The following LITAF variants were observed in gnomAD, a reference collection of about 807,000 sequenced individuals.
LITAF encodes the protein lipopolysaccharide induced TNF factor, also known as lipopolysaccharide-induced tumor necrosis factor-alpha factor.
Under a neutral mutation model 14.5 loss-of-function variants are expected in LITAF, and 9 were observed. That is an observed-to-expected ratio of 0.62 (90% CI 0.37 to 1.08). The LOEUF (loss-of-function observed/expected upper bound fraction) is 1.08, where lower values mean the gene tolerates loss of function less well. LITAF is among the 50% of genes least tolerant of loss of function. The pLI, the probability that LITAF is intolerant of heterozygous loss-of-function variation, is 0.01. For synonymous variants in LITAF, 98 were observed against 88.2 expected, an observed-to-expected ratio of 1.11 and a Z score of -0.62; for missense variants, 206 against 213.4, an observed-to-expected ratio of 0.97 and a Z score of 0.22.
At chr16:11,573,701 C>CTTTTT (rs58695999) in intron 1 of LITAF, among the ~76,000 whole-genome samples, 1 of 111,936 alleles carries the variant, frequency 8.9e-6, no homozygotes, top group Non-Finnish European at 1.7e-5. Context: ...AGAAGATATC[C>CTTTTT]TTTTTTTTTT....
rs187546588 is a variant in LITAF at position 11,571,193 on chromosome 16, G to C, written c.-5-14458C>G. On this transcript the variant is annotated intron_variant, in intron 1 of 3. Coordinates refer to ENST00000622633, the MANE Select transcript of LITAF (RefSeq NM_001136472.2). The stretch of plus-strand genomic sequence containing the variant: ...AGCGATTCTCCTGCCCCAGCCTTCT[G>C]AGTAGCTGGGATTACAGGCACCCAA... Among the ~76,000 whole-genome samples, 345 of 152,232 alleles carry C rather than the reference G, an allele frequency of 2.3e-3. 2 individuals carry two copies. Among genetic ancestry groups the C allele is most frequent in the African/African-American group, 8.2e-3 (340 of 41,532 alleles).
intron 3 of LITAF, among the ~76,000 whole-genome samples, chr16:11,630,115 G>A (rs576144573): frequency 1.3e-5 from 2 of 152,162 alleles, no homozygotes; most frequent in African/African-American, 2.4e-5. Context: ...CCGGAAGAAC[G>A]GAGGTCATGG....
chr16:11,584,418 G>C (rs759806729), intron 1 of LITAF: 1 of 152,134 alleles, frequency 6.6e-6, no homozygotes, highest in Non-Finnish European at 1.5e-5. Flanking sequence ...GTGAGGATGG[G>C]TAATGTCAGC....
At chr16:11,557,181 C>A (rs540357547) in intron 1 of LITAF, among the ~76,000 whole-genome samples, 1 of 152,062 alleles carries the variant, frequency 6.6e-6, no homozygotes, top group Non-Finnish European at 1.5e-5. Flanking sequence ...CAAATTATCA[C>A]AAATAGCAAA....
At chr16:11,613,975 G>T (rs1463411613) in intron 3 of LITAF, among the ~76,000 whole-genome samples, 5 of 152,142 alleles carry the variant, frequency 3.3e-5, no homozygotes, top group African/African-American at 2.4e-5. Flanking sequence ...TTCCTGGCAG[G>T]TCCTGAGATT....
chr16:11,634,912 T>C lies in LITAF; in HGVS notation c.-21+913A>G, dbSNP rs1233621328. 1.3e-5 allele frequency among the ~76,000 whole-genome samples: 2 copies of C among 152,062 alleles called. No individual in the cohort carries two copies. Among genetic ancestry groups the C allele is most frequent in the African/African-American group, 4.8e-5 (2 of 41,404 alleles). ...AGCTGGGCGTGTTGGTGGGCACCTA[T>C]AATCCCAGCTATTTGGGAGGCTGAG... On this transcript the variant is annotated intron_variant, in intron 2 of 3. Coordinates refer to the LITAF transcript ENST00000574848. This position sits in a 1 kb window ranked among gnomAD's most constrained non-coding sequence, Gnocchi z 4.1.
At chr16:11,581,150 C>T (rs2064726703) in intron 1 of LITAF, among the ~76,000 whole-genome samples, 1 of 152,232 alleles carries the variant, frequency 6.6e-6, no homozygotes, top group South Asian at 2.1e-4. Context: ...GTGGGACTCC[C>T]ACATTTATGC....
rs539322239 is a variant in LITAF, at chr16:11,592,254, A to G, written c.-6+6134T>C. ...TAAAGAACTTTTACAACTCAGCAAT[A>G]AAAAAACAACAAACAACCTAGTGTA... On this transcript the variant is annotated intron_variant, in intron 1 of 3. Coordinates refer to the LITAF transcript ENST00000571627. 1.7e-4 allele frequency among the ~76,000 whole-genome samples: 26 copies of G among 152,240 alleles called. No homozygotes were observed. In the South Asian group the frequency reaches 5.4e-3, roughly 32 times the overall value.
chr16:11,549,914 A>C lies in LITAF; in HGVS notation c.378-169T>G. On this transcript the variant is annotated intron_variant, in intron 3 of 3. Transcript: ENST00000622633. This position sits in a 1 kb window ranked among gnomAD's most constrained non-coding sequence, Gnocchi z 4.6. ...TATCCAGGCGGACCCCTAAAACCCA[A>C]TGACCTTAGAAGAAGAGGAGAGGAC... 7 of 634,518 alleles carry C rather than the reference A, an allele frequency of 1.1e-5. No individual in the cohort carries two copies. Among genetic ancestry groups the C allele is most frequent in the East Asian group, 3.2e-5 (1 of 31,414 alleles). The allele number at this position is 634,518 out of a possible 1,614,324, so 39.3% of individuals were successfully genotyped here.
At chr16:11,600,986 G>A (rs935199771), upstream of LITAF, among the ~76,000 whole-genome samples, 3 of 152,044 alleles carry the variant, frequency 2.0e-5, no homozygotes, top group Non-Finnish European at 4.4e-5. The surrounding 1 kb of genome is among the most constrained non-coding windows in gnomAD (Gnocchi z 4.1). Context: ...GCAGGGTGTC[G>A]CCTACTGGGG....
intron 1 of LITAF, among the ~76,000 whole-genome samples, chr16:11,579,221 G>A (rs1274202307): frequency 6.6e-6 from 1 of 151,886 alleles, no homozygotes; most frequent in Non-Finnish European, 1.5e-5. Context: ...GGAGGCCGAG[G>A]CAGGTGGATC....
chr16:11,595,523 A>G (rs1484333060), intron 1 of LITAF, among the ~76,000 whole-genome samples: 2 of 152,054 alleles, frequency 1.3e-5, no homozygotes. Context: ...AGATCAGGAG[A>G]TCGAGACCAT....
chr16:11,620,167 C>CAAA (rs533195309), intron 3 of LITAF, among the ~76,000 whole-genome samples: 5 of 67,360 alleles, frequency 7.4e-5, no homozygotes, highest in Admixed American at 1.8e-4. Context: ...GAGTCCGTCT[C>CAAA]AAAAAAAAAA....
intron 3 of LITAF, among the ~76,000 whole-genome samples, chr16:11,625,325 C>T (rs1490812437): frequency 1.3e-5 from 2 of 150,072 alleles, no homozygotes; most frequent in South Asian, 2.1e-4. Context: ...TGCAGTAGTG[C>T]GATCTCGGCT....
At chr16:11,573,175 C>G (rs186403221) in intron 1 of LITAF, among the ~76,000 whole-genome samples, 2 of 152,230 alleles carry the variant, frequency 1.3e-5, no homozygotes, top group East Asian at 3.9e-4. Context: ...AGCGATCCGC[C>G]TGCCTCGGCC....
At chr16:11,608,616 C>T (rs1252622556) in intron 3 of LITAF, among the ~76,000 whole-genome samples, 1 of 152,222 alleles carries the variant, frequency 6.6e-6, no homozygotes, top group Non-Finnish European at 1.5e-5. Flanking sequence ...ATACGGGCTG[C>T]ATCGTGGATG....
chr16:11,616,906 T>C (rs1398012774), intron 3 of LITAF, among the ~76,000 whole-genome samples: 36 of 115,938 alleles, frequency 3.1e-4, no homozygotes, highest in Non-Finnish European at 5.7e-4. Context: ...AGCAAGACTC[T>C]ATCTCAAAAA....
chr16:11,572,925 T>C (rs2064567522), intron 1 of LITAF, among the ~76,000 whole-genome samples: 1 of 125,092 alleles, frequency 8.0e-6, no homozygotes, highest in Admixed American at 8.5e-5. Flanking sequence ...TCTGCACATC[T>C]CAAGCTCTTT....
chr16:11,618,716 G>T (rs2065031804), intron 3 of LITAF, among the ~76,000 whole-genome samples: 2 of 152,164 alleles, frequency 1.3e-5, no homozygotes, highest in African/African-American at 2.4e-5. Context: ...CGGCCGCGGG[G>T]GCTCACACCT....
Sources: gnomAD v4.1 joint callset for allele counts (sites outside exome capture counted in the v4.1 genomes callset) on GRCh38, gnomAD v4.1.1 for gene constraint, Gnocchi (gnomAD v3.1) non-coding constraint, MANE v1.5 for transcripts, NCBI Gene and HGNC (gene_info 2026-07-23, HGNC 2026-07-21) for gene names.